Variants in CWC22 observed in about 807,000 individuals in gnomAD.
CWC22 encodes pre-mRNA-splicing factor CWC22 homolog.
A neutral mutation model predicts 117.2 loss-of-function variants in CWC22; 53 were observed. The observed-to-expected ratio is 0.45, with a 90% CI of 0.36 to 0.57. The LOEUF (loss-of-function observed/expected upper bound fraction) is 0.57, where lower values mean the gene tolerates loss of function less well. Ranked by LOEUF, CWC22 falls within the 20% of genes least tolerant of loss-of-function variation. The pLI, the probability that CWC22 is intolerant of heterozygous loss-of-function variation, is 0.00. For synonymous variants in CWC22, 360 were observed against 355.6 expected, an observed-to-expected ratio of 1.01 and a Z score of -0.14; for missense variants, 980 against 1,068.8, an observed-to-expected ratio of 0.92 and a Z score of 1.16.
At chr2:179,985,820 GTATA>G (rs66496305) in intron 4 of CWC22, among the ~76,000 whole-genome samples, 1 of 151,020 alleles carries the variant, frequency 6.6e-6, no homozygotes, top group Non-Finnish European at 1.5e-5. Flanking sequence ...AAAAAACATA[GTATA>G]TATATATATG....
At chr2:179,980,484 C>G (rs1687259503) in intron 5 of CWC22, among the ~76,000 whole-genome samples, 1 of 144,048 alleles carries the variant, frequency 6.9e-6, no homozygotes, top group Non-Finnish European at 1.5e-5. Context: ...GTGGTGCGAT[C>G]TCGGCTCACT....
At chr2:180,002,908 G>A (rs1687879968) in intron 1 of CWC22, among the ~76,000 whole-genome samples, 1 of 152,158 alleles carries the variant, frequency 6.6e-6, no homozygotes, top group African/African-American at 2.4e-5. Flanking sequence ...ACTATGAAAG[G>A]CTCTGTATGA....
At chr2:180,002,515 G>T (rs112165294) in intron 1 of CWC22, among the ~76,000 whole-genome samples, 317 of 152,298 alleles carry the variant, frequency 2.1e-3, no homozygotes, top group African/African-American at 7.0e-3. Flanking sequence ...AGAAAATGAG[G>T]AAGTATGAAG....
chr2:179,998,348 T>A (rs1393289224), intron 1 of CWC22, among the ~76,000 whole-genome samples: 1 of 152,128 alleles, frequency 6.6e-6, no homozygotes, highest in Non-Finnish European at 1.5e-5. Flanking sequence ...GGCCACAATT[T>A]ATAATCACTT....
At chr2:180,002,684 G>A (rs1687875060) in intron 1 of CWC22, among the ~76,000 whole-genome samples, 1 of 152,134 alleles carries the variant, frequency 6.6e-6, no homozygotes, top group Admixed American at 6.5e-5. Context: ...AAGTGTTACT[G>A]GAAAAGAGGG....
intron 19 of CWC22, among the ~76,000 whole-genome samples, chr2:179,948,925 T>G (rs1686376942): frequency 6.6e-6 from 1 of 152,360 alleles, no homozygotes; most frequent in African/African-American, 2.4e-5. Context: ...GTTTGATAAA[T>G]GAACCAGTGT....
chr2:179,988,851 C>CACCT, intron 2 of CWC22, among the ~76,000 whole-genome samples: 1 of 152,120 alleles, frequency 6.6e-6, no homozygotes, highest in East Asian at 1.9e-4. Context: ...CTGTGGCAGG[C>CACCT]ACCTGTTTTC....
intron 13 of CWC22, among the ~76,000 whole-genome samples, chr2:179,963,361 G>A (rs928100329): frequency 2.0e-4 from 1 of 5,024 alleles, no homozygotes; most frequent in Non-Finnish European, 4.5e-4. Context: ...TTTTTTTTTT[G>A]AGACGGAGTC....
At chr2:179,989,247 A>T (rs4019248) in intron 2 of CWC22, among the ~76,000 whole-genome samples, 116 of 1,028 alleles carry the variant, frequency 0.11, no homozygotes, top group Non-Finnish European at 0.17. Context: ...AAGTTATAAT[A>T]ATAATTATTA....
At chr2:179,982,882 T>C (rs1271551937) in intron 4 of CWC22, among the ~76,000 whole-genome samples, 1 of 152,208 alleles carries the variant, frequency 6.6e-6, no homozygotes, top group East Asian at 1.9e-4. Flanking sequence ...CAGATCATTC[T>C]GTTTGTGTTT....
At chr2:179,976,487 T>C (rs1236824686) in intron 6 of CWC22, among the ~76,000 whole-genome samples, 3 of 75,234 alleles carry the variant, frequency 4.0e-5, no homozygotes, top group African/African-American at 1.7e-4. Flanking sequence ...ACCTACAGAA[T>C]GGGAGAAAAC....
chr2:179,963,457 C>T (rs374485950), intron 13 of CWC22, among the ~76,000 whole-genome samples: 586 of 138,024 alleles, frequency 4.2e-3, no homozygotes, highest in Middle Eastern at 7.1e-3. Flanking sequence ...ATTCTCCTGC[C>T]TCAGCCTCCC....
intron 13 of CWC22, among the ~76,000 whole-genome samples, chr2:179,964,103 T>C (rs1348324631): frequency 1.3e-5 from 2 of 152,260 alleles, no homozygotes; most frequent in Non-Finnish European, 2.9e-5. Flanking sequence ...TTTCTGTTTA[T>C]ACTCATTGAC....
chr2:179,948,459 T>G (rs1341828851), intron 19 of CWC22, among the ~76,000 whole-genome samples: 2 of 152,004 alleles, frequency 1.3e-5, no homozygotes, highest in African/African-American at 4.8e-5. Context: ...GAAAAAGAGA[T>G]TTGCATAGTA....
rs991865609 is a variant in CWC22 at position 179,993,495 on chromosome 2, A to G, written c.-113-41T>C. 1.2e-5 allele frequency: 7 copies of G among 582,080 alleles called. No homozygotes were observed. In the African/African-American group the frequency reaches 1.3e-4, roughly 11 times the overall value. 36.1% of individuals were successfully genotyped at this position (582,080 alleles called of 1,614,324 possible). On this transcript the variant is annotated intron_variant, in intron 1 of 19. Transcript: ENST00000410053. ...AAGAAAGCTTTATTAACACTAACAA[A>G]GTGTGAAAAATGATGATATATTTTT... is the stretch of plus-strand genomic sequence containing the variant.
chr2:179,995,626 G>C (rs1687679228), intron 1 of CWC22, among the ~76,000 whole-genome samples: 1 of 152,102 alleles, frequency 6.6e-6, no homozygotes, highest in African/African-American at 2.4e-5. Context: ...AGTTCCTACT[G>C]AACCTAATCC....
At chr2:179,960,284 A>T (rs1421884767) in intron 13 of CWC22, among the ~76,000 whole-genome samples, 1 of 152,014 alleles carries the variant, frequency 6.6e-6, no homozygotes, top group Non-Finnish European at 1.5e-5. Context: ...CCAGATCTCA[A>T]AGAGTGCTTC....
Position 179,986,784 on chromosome 2 carries a change from G to A in CWC22, c.117C>T (p.Ser39=). Residue 39 remains serine (S), a synonymous_variant, in exon 4 of 20, where the codon TCC becomes TCT. Coordinates refer to ENST00000410053, the MANE Select transcript of CWC22 (RefSeq NM_020943.3). ...PEDRYEEQER[S]PRDRDYFDYS... The stretch of plus-strand genomic sequence containing the variant: ...AATCAAAGTAATCTCTATCCCGGGG[G>A]GATCGTTCTTGTTCTTCATATCTAA... The A allele has an allele frequency of 3.1e-6, 5 of 1,587,990 alleles. No homozygotes were observed. Among genetic ancestry groups the A allele is most frequent in the Non-Finnish European group, 4.3e-6 (5 of 1,168,108 alleles).
chr2:179,954,586 T>C (rs918593746), intron 15 of CWC22, among the ~76,000 whole-genome samples: 1 of 152,074 alleles, frequency 6.6e-6, no homozygotes, highest in African/African-American at 2.4e-5. Context: ...ATGTAGGTGA[T>C]CACATGAGGG....
Sources: gnomAD v4.1 joint callset for allele counts (sites outside exome capture counted in the v4.1 genomes callset) on GRCh38, gnomAD v4.1.1 for gene constraint, MANE v1.5 for transcripts, NCBI Gene and HGNC (gene_info 2026-07-23, HGNC 2026-07-21) for gene names.